The following CLDN3 variants were observed in gnomAD, a reference collection of about 807,000 sequenced individuals.
CLDN3 encodes the protein claudin-3.
In CLDN3, 6 loss-of-function variants were observed where a neutral mutation model predicts 16.3. The observed-to-expected ratio is 0.37, with a 90% CI of 0.20 to 0.73. The LOEUF is 0.73. Ranked by LOEUF, CLDN3 falls within the 30% of genes least tolerant of loss-of-function variation. The probability of loss-of-function intolerance (pLI) is 0.52; values close to 1 mark genes in which losing one functional copy is unlikely to be tolerated. For missense variants in CLDN3, 248 were observed against 305.2 expected (o/e 0.81, Z 1.40); for synonymous variants, 145 against 150.1 (o/e 0.97, Z 0.25).
In CLDN3 at chr7:73,770,232, C is replaced by T; in HGVS notation, c.-183G>A. ...GCTCTCGCCGCGGCTGCGCCTGCAC[C>T]TGCCTGTGGCTTTGTGGGCGGGCGG... is the stretch of plus-strand genomic sequence containing the variant. On this transcript the variant is annotated 5_prime_UTR_variant, in exon 1 of 1. Transcript: ENST00000395145. The surrounding 1 kb of genome is among the most constrained non-coding windows in gnomAD (Gnocchi z 5.7). 1 of 926,360 alleles carries T rather than the reference C, an allele frequency of 1.1e-6. No individual in the cohort carries two copies. Among genetic ancestry groups the T allele is most frequent in the Non-Finnish European group, 1.5e-6 (1 of 681,370 alleles). 57.4% of individuals were successfully genotyped at this position (926,360 alleles called of 1,614,324 possible).
chr7:73,769,189 A>C lies in CLDN3; in HGVS notation c.*198T>G. 1.5e-6 allele frequency: 2 copies of C among 1,377,938 alleles called. No homozygotes were observed. The highest frequency in any genetic ancestry group is 2.7e-5 in the East Asian group (1 of 37,734). 85.4% of individuals were successfully genotyped at this position (1,377,938 alleles called of 1,614,324 possible). A position where few individuals can be genotyped will look rare whatever the true frequency, so the allele number is the denominator to read the frequency against. On this transcript the variant is annotated 3_prime_UTR_variant, in exon 1 of 1. Coordinates refer to ENST00000395145, the MANE Select transcript of CLDN3 (RefSeq NM_001306.4). Reference sequence around the variant, plus strand: ...ATGCAGGTTGGTCCCTGGGCCCCGAAGTCGACTGCCCGGCCCGCAAAGCCG... The same window carrying C: ...ATGCAGGTTGGTCCCTGGGCCCCGACGTCGACTGCCCGGCCCGCAAAGCCG...
chr7:73,769,773 C>A lies in CLDN3; in HGVS notation c.277G>T (p.Gly93Trp). 1 of 1,611,264 alleles carries A rather than the reference C, an allele frequency of 6.2e-7. No homozygotes were observed. Among genetic ancestry groups the A allele is most frequent in the Non-Finnish European group, 8.5e-7 (1 of 1,178,950 alleles). ...GCGCCCACCAGCGCCACTAGCAGCC[C>A]GAAGGCGGCCAGCAGGATGGCCACC... Reference protein sequence around the residue: ...IVVAILLAAFGLLVALVGAQC... With the variant: ...IVVAILLAAFWLLVALVGAQC... Residue 93 changes from glycine to tryptophan, a missense_variant, in exon 1 of 1, where the codon GGG becomes TGG. Coordinates refer to ENST00000395145, the MANE Select transcript of CLDN3 (RefSeq NM_001306.4).
At position 73,770,120 on chromosome 7, in the gene CLDN3, G is replaced by T; in HGVS notation, c.-71C>A. On this transcript the variant is annotated 5_prime_UTR_variant, in exon 1 of 1. Coordinates refer to ENST00000395145, the MANE Select transcript of CLDN3 (RefSeq NM_001306.4). This position sits in a 1 kb window ranked among gnomAD's most constrained non-coding sequence, Gnocchi z 5.7. ...GGAGACGAGGGGCCGGGGCCGCTGG[G>T]CCTGGCGGGAGCTGCGGCGCCCCGA... 1 of 1,393,180 alleles carries T rather than the reference G, an allele frequency of 7.2e-7. No individual in the cohort carries two copies. Among genetic ancestry groups the T allele is most frequent in the Non-Finnish European group, 9.3e-7 (1 of 1,080,434 alleles). 86.3% of individuals were successfully genotyped at this position (1,393,180 alleles called of 1,614,324 possible). A position where few individuals can be genotyped will look rare whatever the true frequency, so the allele number is the denominator to read the frequency against.
At position 73,769,245 on chromosome 7, in the gene CLDN3, G is replaced by A. The variant is rs571329309; in HGVS notation, c.*142C>T. ...GCTGGGGAAGCTGCCCCAGTCCAGCGCGGGGGCTTCCTGGCTTCTGGGGGT... is the reference window on the plus strand; with the variant it reads ...GCTGGGGAAGCTGCCCCAGTCCAGCACGGGGGCTTCCTGGCTTCTGGGGGT... On this transcript the variant is annotated 3_prime_UTR_variant, in exon 1 of 1. Transcript: ENST00000395145. The A allele has an allele frequency of 1.2e-5, 17 of 1,438,584 alleles. No individual in the cohort carries two copies. Among genetic ancestry groups the A allele is most frequent in the Non-Finnish European group, 1.5e-5 (17 of 1,101,086 alleles). 89.1% of individuals were successfully genotyped at this position (1,438,584 alleles called of 1,614,324 possible). A position where few individuals can be genotyped will look rare whatever the true frequency, so the allele number is the denominator to read the frequency against.
rs1787031020 is a variant in CLDN3, at chr7:73,770,178, C to A, written c.-129G>T. 7.6e-7 allele frequency: 1 copy of A among 1,321,652 alleles called. No individual in the cohort carries two copies. The allele number at this position is 1,321,652 out of a possible 1,614,324, so 81.9% of individuals were successfully genotyped here. On this transcript the variant is annotated 5_prime_UTR_variant, in exon 1 of 1. Transcript: ENST00000395145. This position sits in a 1 kb window ranked among gnomAD's most constrained non-coding sequence, Gnocchi z 5.7. Reference sequence around the variant, plus strand: ...ACGGACGGACGGACTGACTCACCGACGGCGCGCGCTAACGGCTCGGCTCCA... The same window carrying A: ...ACGGACGGACGGACTGACTCACCGAAGGCGCGCGCTAACGGCTCGGCTCCA...
rs1189270203 is a variant in CLDN3 at position 73,770,143 on chromosome 7, C to CGACGGACG, written c.-102_-95dup. On this transcript the variant is annotated 5_prime_UTR_variant, in exon 1 of 1. Coordinates refer to ENST00000395145, the MANE Select transcript of CLDN3 (RefSeq NM_001306.4). The surrounding 1 kb of genome is among the most constrained non-coding windows in gnomAD (Gnocchi z 5.7). ...GGGCCTGGCGGGAGCTGCGGCGCCCCGACGGACGGACGGACGGACGGACTG... is the reference window on the plus strand; with the variant it reads ...GGGCCTGGCGGGAGCTGCGGCGCCCCGACGGACGGACGGACGGACGGACGGACGGACTG... 35 of 1,371,442 alleles carry CGACGGACG rather than the reference C, an allele frequency of 2.6e-5. No individual in the cohort carries two copies. Among genetic ancestry groups the CGACGGACG allele is most frequent in the Admixed American group, 7.6e-5 (2 of 26,430 alleles). 85.0% of individuals were successfully genotyped at this position (1,371,442 alleles called of 1,614,324 possible). A position where few individuals can be genotyped will look rare whatever the true frequency, so the allele number is the denominator to read the frequency against.
At position 73,769,547 on chromosome 7, in the gene CLDN3, G is replaced by T. The variant is rs782555330; in HGVS notation, c.503C>A (p.Ala168Glu). ...CCCCAGCAGCTGCAGCGCCGCGGCC[G>T]CCCAGCCCACGTACAGGCCCGCGCC... ...EMGAGLYVGWAAAALQLLGGA... is the reference protein window; with the variant it reads ...EMGAGLYVGWEAAALQLLGGA... The change falls in exon 1 of 1, where the codon GCG becomes GAG. Residue 168 changes from alanine (A) to glutamate (E), a missense_variant. Physicochemically the swap from Ala to Glu is moderately radical, Grantham distance 107. Coordinates refer to ENST00000395145, the MANE Select transcript of CLDN3 (RefSeq NM_001306.4). 6.2e-7 allele frequency: 1 copy of T among 1,601,774 alleles called. No individual in the cohort carries two copies. Among genetic ancestry groups the T allele is most frequent in the Non-Finnish European group, 8.5e-7 (1 of 1,174,614 alleles).
rs1554626684 is a variant in CLDN3, at chr7:73,769,653, C to G, written c.397G>C (p.Val133Leu). The G allele has an allele frequency of 1.5e-5, 24 of 1,612,850 alleles. No homozygotes were observed. Among genetic ancestry groups the G allele is most frequent in the Non-Finnish European group, 1.9e-5 (23 of 1,179,852 alleles). ...GTGTTGGCCGACCAGGACACCGGCA[C>G]GAGGGTGAGCAGGGCGGCGAGAAGG... ...LFLLAALLTL[V>L]PVSWSANTII... is the part of the protein sequence containing the mutation. The change falls in exon 1 of 1, where the codon GTG (valine) becomes CTG (leucine). Residue 133 changes from valine (V) to leucine (L), a missense_variant. By Grantham distance (32) the Val-to-Leu change is conservative. Transcript: ENST00000395145.
At position 73,770,207 on chromosome 7, in the gene CLDN3, G is replaced by A. The variant is rs1554626832; in HGVS notation, c.-158C>T. The A allele has an allele frequency of 9.1e-7, 1 of 1,098,306 alleles. No individual in the cohort carries two copies. The highest frequency in any genetic ancestry group is 1.2e-6 in the Non-Finnish European group (1 of 833,310). 68.0% of individuals were successfully genotyped at this position (1,098,306 alleles called of 1,614,324 possible). ...GCGCGCTAACGGCTCGGCTCCATAC[G>A]CTCTCGCCGCGGCTGCGCCTGCACC... is the stretch of plus-strand genomic sequence containing the variant. On this transcript the variant is annotated 5_prime_UTR_variant, in exon 1 of 1. Transcript: ENST00000395145. This position sits in a 1 kb window ranked among gnomAD's most constrained non-coding sequence, Gnocchi z 5.7.
chr7:73,769,758 G>A lies in CLDN3; in HGVS notation c.292C>T (p.Leu98=), dbSNP rs1332843620. ...CAGTTGGTGCACTGGGCGCCCACCA[G>A]CGCCACTAGCAGCCCGAAGGCGGCC... is the stretch of plus-strand genomic sequence containing the variant. ...LLAAFGLLVA[L]VGAQCTNCVQ... Residue 98 remains leucine (L), a synonymous_variant, in exon 1 of 1, where the codon CTG becomes TTG. Transcript: ENST00000395145. 7.4e-6 allele frequency: 12 copies of A among 1,610,900 alleles called. No individual in the cohort carries two copies. Among genetic ancestry groups the A allele is most frequent in the Non-Finnish European group, 1.0e-5 (12 of 1,178,730 alleles).
rs1330809804 is a variant in CLDN3 at position 73,769,339 on chromosome 7, G to GTGGTGT, written c.*42_*47dup. On this transcript the variant is annotated 3_prime_UTR_variant, in exon 1 of 1. Transcript: ENST00000395145. ...CGCGCTCCAGCTCGCGGTGGTGGTG[G>GTGGTGT]TGGTGTTGGTGGTGGTGGTGGTGGT... is the stretch of plus-strand genomic sequence containing the variant. 3.9e-6 allele frequency: 6 copies of GTGGTGT among 1,548,182 alleles called. No homozygotes were observed. In the East Asian group the frequency reaches 1.4e-4, roughly 35 times the overall value.
Position 73,769,524 on chromosome 7 carries a change from C to G in CLDN3, c.526G>C (p.Gly176Arg). ...GWAAAALQLLGGALLCCSCPP... is the reference protein window; with the variant it reads ...GWAAAALQLLRGALLCCSCPP... The stretch of plus-strand genomic sequence containing the variant: ...CACGAGCAGCAGAGCAGCGCGCCCC[C>G]CAGCAGCTGCAGCGCCGCGGCCGCC... The change falls in exon 1 of 1, where the codon GGG becomes CGG. Residue 176 changes from glycine (G) to arginine (R), a missense_variant. Gly to Arg is a moderately radical substitution (Grantham distance 125, BLOSUM62 -2). Coordinates refer to ENST00000395145, the MANE Select transcript of CLDN3 (RefSeq NM_001306.4). 1 of 1,606,540 alleles carries G rather than the reference C, an allele frequency of 6.2e-7. No individual in the cohort carries two copies. The highest frequency in any genetic ancestry group is 2.2e-5 in the East Asian group (1 of 44,752).
chr7:73,770,256 G>T lies in CLDN3; in HGVS notation c.-207C>A. The stretch of plus-strand genomic sequence containing the variant: ...CCTGCCTGTGGCTTTGTGGGCGGGC[G>T]GCGGCGACTGGGCTGGCCCTGGGCT... On this transcript the variant is annotated 5_prime_UTR_variant, in exon 1 of 1. Transcript: ENST00000395145. This position sits in a 1 kb window ranked among gnomAD's most constrained non-coding sequence, Gnocchi z 5.7. The T allele has an allele frequency of 1.4e-6, 1 of 725,516 alleles. No homozygotes were observed. The highest frequency in any genetic ancestry group is 2.0e-6 in the Non-Finnish European group (1 of 500,640). 44.9% of individuals were successfully genotyped at this position (725,516 alleles called of 1,614,324 possible).
rs1187973447 is a variant in CLDN3 at position 73,769,557 on chromosome 7, C to A, written c.493G>T (p.Val165Leu). Residue 165 changes from valine to leucine, a missense_variant, in exon 1 of 1, where the codon GTG (valine) becomes TTG (leucine). Coordinates refer to ENST00000395145, the MANE Select transcript of CLDN3 (RefSeq NM_001306.4). Reference protein sequence around the residue: ...QKREMGAGLYVGWAAAALQLL... With the variant: ...QKREMGAGLYLGWAAAALQLL... ...TGCAGCGCCGCGGCCGCCCAGCCCA[C>A]GTACAGGCCCGCGCCCATCTCGCGC... 53 of 1,601,332 alleles carry A rather than the reference C, an allele frequency of 3.3e-5. No homozygotes were observed. Among genetic ancestry groups the A allele is most frequent in the African/African-American group, 1.2e-4 (9 of 74,710 alleles).
Position 73,769,296 on chromosome 7 carries a change from ACGCTGG to A in CLDN3, c.*85_*90del. ...GGGCTGGCCTCCGAGGCAAGGCTGC[ACGCTGG>A]ATGGCCTGGTGCGCGCTCCAGCTCG... On this transcript the variant is annotated 3_prime_UTR_variant, in exon 1 of 1. Coordinates refer to ENST00000395145, the MANE Select transcript of CLDN3 (RefSeq NM_001306.4). 2.0e-6 allele frequency: 3 copies of A among 1,510,422 alleles called. No homozygotes were observed. The highest frequency in any genetic ancestry group is 2.6e-6 in the Non-Finnish European group (3 of 1,135,676). The allele number at this position is 1,510,422 out of a possible 1,614,324, so 93.6% of individuals were successfully genotyped here.
Position 73,769,352 on chromosome 7 carries a change from TG to T in CLDN3, c.*34del. 1 of 1,556,172 alleles carries T rather than the reference TG, an allele frequency of 6.4e-7. No individual in the cohort carries two copies. Among genetic ancestry groups the T allele is most frequent in the Non-Finnish European group, 8.6e-7 (1 of 1,157,218 alleles). On this transcript the variant is annotated 3_prime_UTR_variant, in exon 1 of 1. Coordinates refer to ENST00000395145, the MANE Select transcript of CLDN3 (RefSeq NM_001306.4). ...GCGGTGGTGGTGGTGGTGTTGGTGGTGGTGGTGGTGGTGGGGTCTCCCTGCG... is the reference window on the plus strand; with the variant it reads ...GCGGTGGTGGTGGTGGTGTTGGTGGTGTGGTGGTGGTGGGGTCTCCCTGCG...
rs1401007590 is a variant in CLDN3 at position 73,769,507 on chromosome 7, G to C, written c.543C>G (p.Cys181Trp). 57 of 1,608,246 alleles carry C rather than the reference G, an allele frequency of 3.5e-5. No individual in the cohort carries two copies. The highest frequency in any genetic ancestry group is 4.8e-5 in the Non-Finnish European group (56 of 1,178,412). Reference protein sequence around the residue: ...ALQLLGGALLCCSCPPREKKY... With the variant: ...ALQLLGGALLWCSCPPREKKY... ...TCTTCTCGCGTGGGGGACACGAGCAGCAGAGCAGCGCGCCCCCCAGCAGCT... is the reference window on the plus strand; with the variant it reads ...TCTTCTCGCGTGGGGGACACGAGCACCAGAGCAGCGCGCCCCCCAGCAGCT... Residue 181 changes from cysteine (C) to tryptophan (W), a missense_variant, in exon 1 of 1, where the codon TGC becomes TGG. Coordinates refer to ENST00000395145, the MANE Select transcript of CLDN3 (RefSeq NM_001306.4).
chr7:73,769,101 G>C lies in CLDN3; in HGVS notation c.*286C>G. ...GGCAGCGGCCCGATGGGGCTCGACG[G>C]GGTGGTCAAGTATTGGCGGTCACCC... On this transcript the variant is annotated 3_prime_UTR_variant, in exon 1 of 1. Coordinates refer to ENST00000395145, the MANE Select transcript of CLDN3 (RefSeq NM_001306.4). 1.5e-6 allele frequency: 1 copy of C among 674,148 alleles called. No homozygotes were observed. Among genetic ancestry groups the C allele is most frequent in the Non-Finnish European group, 2.2e-6 (1 of 449,228 alleles). 41.8% of individuals were successfully genotyped at this position (674,148 alleles called of 1,614,324 possible).
rs782430516 is a variant in CLDN3, at chr7:73,769,693, C to T, written c.357G>A (p.Val119=). Residue 119 remains valine (V), a synonymous_variant, in exon 1 of 1, where the codon GTG becomes GTA. Coordinates refer to ENST00000395145, the MANE Select transcript of CLDN3 (RefSeq NM_001306.4). ...CGGCGAGAAGGAACAGCACGCCTGC[C>T]ACGATGGTGATCTTGGCCTTGGCCG... is the stretch of plus-strand genomic sequence containing the variant. ...DDTAKAKITI[V]AGVLFLLAAL... is the part of the protein sequence containing the mutation. 6.2e-7 allele frequency: 1 copy of T among 1,612,756 alleles called. No homozygotes were observed. Among genetic ancestry groups the T allele is most frequent in the African/African-American group, 1.3e-5 (1 of 74,938 alleles).
Sources: gnomAD v4.1 joint callset for allele counts on GRCh38, gnomAD v4.1.1 for gene constraint, Gnocchi (gnomAD v3.1) non-coding constraint, MANE v1.5 for transcripts, NCBI Gene and HGNC (gene_info 2026-07-23, HGNC 2026-07-21) for gene names.